TAF6L: variants seen among roughly 807,000 people sequenced by gnomAD.
TAF6L encodes TAF6-like RNA polymerase II p300/CBP-associated factor-associated factor 65 kDa subunit 6L.
Under a neutral mutation model 57.3 loss-of-function variants are expected in TAF6L, and 34 were observed. That is an observed-to-expected ratio of 0.59 (90% confidence interval 0.45 to 0.79). The LOEUF is 0.79. Among genes scored for constraint, TAF6L ranks in the 30% least tolerant of loss-of-function variants. TAF6L has a pLI of 0.00. For synonymous variants in TAF6L, 417 were observed against 376.3 expected (o/e 1.11, Z -1.25); for missense variants, 782 against 853.2 (o/e 0.92, Z 1.04).
Position 62,778,913 on chromosome 11 carries a change from T to C in TAF6L, c.481T>C (p.Tyr161His). ...ACTGACAGATGACCTTCTCAAGTAC[T>C]ATCACCAGGTGACTCGTGCTGTGCT... ...SSLTDDLLKYYHQVTRAVLGD... is the reference protein window; with the variant it reads ...SSLTDDLLKYHHQVTRAVLGD... Residue 161 changes from tyrosine (Y) to histidine (H), a missense_variant, in exon 6 of 11, where the codon TAT (tyrosine) becomes CAT (histidine). Physicochemically the swap from Tyr to His is moderately conservative, Grantham distance 83. Transcript: ENST00000294168. 6.2e-7 allele frequency: 1 copy of C among 1,614,130 alleles called. No homozygotes were observed. The highest frequency in any genetic ancestry group is 8.5e-7 in the Non-Finnish European group (1 of 1,180,022).
At chr11:62,772,962 C>T (rs1190027182) in intron 1 of TAF6L, among the ~76,000 whole-genome samples, 1 of 151,602 alleles carries the variant, frequency 6.6e-6, no homozygotes, top group Non-Finnish European at 1.5e-5. Context: ...ACTGCAGCCT[C>T]TGCCTCCTGG....
At position 62,782,766 on chromosome 11, in the gene TAF6L, G is replaced by T; in HGVS notation, c.901G>T (p.Val301Leu). ...LSLQKILADP[V>L]RPLCCHYGAV... is the part of the protein sequence containing the mutation. ...CCTGCAGAAGATCCTGGCAGATCCT[G>T]TGCGGCCGCTCTGCTGCCACTATGG... The change falls in exon 9 of 11, where the codon GTG becomes TTG. Residue 301 changes from valine (V) to leucine (L), a missense_variant. By Grantham distance (32) the Val-to-Leu change is conservative (BLOSUM62 1). Transcript: ENST00000294168. The T allele has an allele frequency of 2.5e-6, 4 of 1,613,296 alleles. No homozygotes were observed. The highest frequency in any genetic ancestry group is 3.4e-6 in the Non-Finnish European group (4 of 1,180,034).
intron 1 of TAF6L, 146 bp downstream of exon 1, chr11:62,771,636 C>T (rs559748695): frequency 6.3e-4 from 113 of 178,070 alleles, no homozygotes; most frequent in African/African-American, 2.5e-3. Context: ...CCTCCCCCCG[C>T]GCACCCCCTC....
chr11:62,787,104 C>CT lies in TAF6L; in HGVS notation c.1680dup (p.Arg561SerfsTer29). 1 of 1,547,780 alleles carries CT rather than the reference C, an allele frequency of 6.5e-7. No individual in the cohort carries two copies. The highest frequency in any genetic ancestry group is 8.7e-7 in the Non-Finnish European group (1 of 1,154,678). ...GTTTCGCCCCGCGCGGCGCCCCGCA[C>CT]TTTCGTTTCATCATAGCCGGGCGGC... On this transcript the variant is annotated frameshift_variant, in exon 11 of 11. Transcript: ENST00000294168. LOFTEE classifies it high-confidence loss of function.
At position 62,778,130 on chromosome 11, in the gene TAF6L, T is replaced by C; in HGVS notation, c.385+2T>C. 1 of 1,613,962 alleles carries C rather than the reference T, an allele frequency of 6.2e-7. No individual in the cohort carries two copies. Among genetic ancestry groups the C allele is most frequent in the Non-Finnish European group, 8.5e-7 (1 of 1,179,988 alleles). ...GCTGTGCTGAGACAGCTGTCAGAGG[T>C]GGCTGCCGGGGTCCTGCATGGGTTG... On this transcript the variant is annotated splice_donor_variant, in intron 4 of 10. Coordinates refer to ENST00000294168, the MANE Select transcript of TAF6L (RefSeq NM_006473.4). LOFTEE classifies it high-confidence loss of function.
rs2084236123 is a variant in TAF6L at position 62,782,309 on chromosome 11, C to T, written c.803C>T (p.Ala268Val). The T allele has an allele frequency of 6.2e-7, 1 of 1,613,858 alleles. No individual in the cohort carries two copies. Among genetic ancestry groups the T allele is most frequent in the Non-Finnish European group, 8.5e-7 (1 of 1,179,984 alleles). The change falls in exon 8 of 11, where the codon GCC becomes GTC. Residue 268 changes from alanine to valine, a missense_variant. Physicochemically the swap from Ala to Val is moderately conservative, Grantham distance 64. Around this residue, in one of 3 missense-constraint regions of TAF6L, gnomAD observed 79 missense variants for 156.0 expected, o/e 0.51. Transcript: ENST00000294168. ...NDHWTLRDGA[A>V]LLLSHIFWTH... is the part of the protein sequence containing the mutation. ...CACTGGACTCTGCGGGATGGGGCTG[C>T]CCTCCTGCTCAGCCACATCTTCTGG... is the stretch of plus-strand genomic sequence containing the variant.
At chr11:62,777,734 G>C (rs1303257139) in intron 3 of TAF6L, among the ~76,000 whole-genome samples, 1 of 152,298 alleles carries the variant, frequency 6.6e-6, no homozygotes, top group East Asian at 1.9e-4. Flanking sequence ...TTGGTGTGGG[G>C]CTCAGGACCC....
chr11:62,778,292 C>T lies in TAF6L; in HGVS notation c.393C>T (p.Val131=), dbSNP rs967582466. 1 of 1,614,182 alleles carries T rather than the reference C, an allele frequency of 6.2e-7. No homozygotes were observed. The highest frequency in any genetic ancestry group is 8.5e-7 in the Non-Finnish European group (1 of 1,180,030). ...TCTCTGCACTGCTTCTAGTTCATGTCTCCTACCTGGATGGCAAAGGGAACC... is the reference window on the plus strand; with the variant it reads ...TCTCTGCACTGCTTCTAGTTCATGTTTCCTACCTGGATGGCAAAGGGAACC... ...GCAETAVRVH[V]SYLDGKGNLA... Residue 131 remains valine (V), a synonymous_variant, in exon 5 of 11, where the codon GTC becomes GTT. Transcript: ENST00000294168.
At chr11:62,779,572 C>T (rs1376877525) in intron 6 of TAF6L, among the ~76,000 whole-genome samples, 1 of 151,972 alleles carries the variant, frequency 6.6e-6, no homozygotes, top group Non-Finnish European at 1.5e-5. Flanking sequence ...GTGATCCACC[C>T]GCCTTGGCCT....
intron 1 of TAF6L, among the ~76,000 whole-genome samples, chr11:62,773,786 A>T (rs2084166832): frequency 6.6e-6 from 1 of 152,170 alleles, no homozygotes; most frequent in Admixed American, 6.5e-5. Flanking sequence ...GAATGCAAGG[A>T]CATTGGAGGA....
At chr11:62,782,518 A>G in intron 8 of TAF6L, 175 bp from the exon 9 acceptor site, 1 of 1,064,374 alleles carries the variant, frequency 9.4e-7, no homozygotes, top group South Asian at 1.6e-5. Flanking sequence ...AAATACGCCA[A>G]GGTATTGGTT....
intron 6 of TAF6L, 130 bp from the exon 7 acceptor site, chr11:62,781,764 T>C: frequency 3.7e-6 from 3 of 800,206 alleles, no homozygotes; most frequent in Non-Finnish European, 4.2e-6. Context: ...ATAGAATTGC[T>C]AGATCAAAGA....
At chr11:62,782,441 G>C (rs1590936723) in intron 8 of TAF6L, 108 bp downstream of exon 8, 1 of 1,272,686 alleles carries the variant, frequency 7.9e-7, no homozygotes, top group East Asian at 2.4e-5. Context: ...AGAAGATGGG[G>C]AACCTTTTCC....
In TAF6L at chr11:62,778,973, T is replaced by G; in HGVS notation, c.531+10T>G. ...TCCGCAACTGATGAAGGTGAGCGAG[T>G]GGGCCCAAGTTGGGGCACAAAGTTG... On this transcript the variant is annotated intron_variant, in intron 6 of 10. Coordinates refer to ENST00000294168, the MANE Select transcript of TAF6L (RefSeq NM_006473.4). 1 of 1,608,390 alleles carries G rather than the reference T, an allele frequency of 6.2e-7. No homozygotes were observed. Among genetic ancestry groups the G allele is most frequent in the Non-Finnish European group, 8.5e-7 (1 of 1,176,176 alleles).
chr11:62,778,820 A>G (rs895615422), intron 5 of TAF6L, 49 bp from the exon 6 acceptor site: 4 of 1,524,286 alleles, frequency 2.6e-6, no homozygotes, highest in Non-Finnish European at 2.7e-6. Flanking sequence ...AGAGGCCAGG[A>G]GAGGGCCAGC....
rs373587976 is a variant in TAF6L at position 62,777,983 on chromosome 11, G to A, written c.240G>A (p.Val80=). Residue 80 remains valine, a synonymous_variant, in exon 4 of 11, where the codon GTG becomes GTA. Coordinates refer to ENST00000294168, the MANE Select transcript of TAF6L (RefSeq NM_006473.4). ...CCAATTCCCTTTTTCCTCAGGCTGT[G>A]TGTGGTTACGGATCACAGGAGGCAC... ...RALRWSSVEA[V]CGYGSQEALP... The A allele has an allele frequency of 1.2e-6, 2 of 1,614,024 alleles. No homozygotes were observed. Among genetic ancestry groups the A allele is most frequent in the African/African-American group, 2.7e-5 (2 of 74,926 alleles).
intron 2 of TAF6L, 133 bp downstream of exon 2, chr11:62,776,063 C>A: frequency 8.3e-7 from 1 of 1,206,238 alleles, no homozygotes; most frequent in Non-Finnish European, 1.1e-6. Flanking sequence ...CATGCCTTTA[C>A]AGAACTCTAC....
chr11:62,781,566 C>T (rs534273744), intron 6 of TAF6L, among the ~76,000 whole-genome samples: 30 of 146,150 alleles, frequency 2.1e-4, no homozygotes, highest in African/African-American at 6.9e-4. Context: ...CCCAGCTACT[C>T]GGGAGGCTGA....
At chr11:62,774,025 A>G (rs2084168160) in intron 1 of TAF6L, among the ~76,000 whole-genome samples, 1 of 152,158 alleles carries the variant, frequency 6.6e-6, no homozygotes. Flanking sequence ...GAGGTATTGC[A>G]GAAGTAGGCA....
Sources: allele counts gnomAD v4.1 joint callset (sites outside exome capture counted in the v4.1 genomes callset), GRCh38; gene constraint gnomAD v4.1.1; regional missense constraint gnomAD v4.1.1; transcripts MANE v1.5; gene names NCBI Gene and HGNC (gene_info 2026-07-23, HGNC 2026-07-21).